The following CSMD1 variants were observed in gnomAD, a reference collection of about 807,000 sequenced individuals.
CSMD1 encodes CUB and sushi domain-containing protein 1.
Under a neutral mutation model 417.5 loss-of-function variants are expected in CSMD1, and 213 were observed. That is an observed-to-expected ratio of 0.51 (90% confidence interval 0.46 to 0.57). CSMD1 has a LOEUF of 0.57. CSMD1 is among the 20% of genes least tolerant of loss of function. The pLI, the probability that CSMD1 is intolerant of heterozygous loss-of-function variation, is 0.00. For missense variants in CSMD1, 6,923 were observed against 4,529.7 expected (o/e 1.53, Z -15.17); for synonymous variants, 2,862 against 1,736.8 (o/e 1.65, Z -16.11).
intron 26 of CSMD1, among the ~76,000 whole-genome samples, chr8:3,250,846 C>G (rs1304616099): frequency 6.6e-6 from 1 of 152,180 alleles, no homozygotes; most frequent in African/African-American, 2.4e-5. Context: ...TGTCTGTTGG[C>G]TGCATAAATG....
intron 23 of CSMD1, among the ~76,000 whole-genome samples, chr8:3,335,176 T>C (rs1024757048): frequency 6.6e-6 from 1 of 152,144 alleles, no homozygotes; most frequent in East Asian, 1.9e-4. Flanking sequence ...CCCTCTCATG[T>C]CACTTGTTAG....
intron 5 of CSMD1, among the ~76,000 whole-genome samples, chr8:3,924,130 C>G (rs556971399): frequency 4.6e-5 from 7 of 152,258 alleles, no homozygotes; most frequent in African/African-American, 2.4e-5. Context: ...ATCTGTATCT[C>G]TCCATTTATG....
In CSMD1 at chr8:4,010,865, C is replaced by A. The variant is rs146659560; in HGVS notation, c.611-12755G>T. Among the ~76,000 whole-genome samples, 409 of 152,292 alleles carry A rather than the reference C, an allele frequency of 2.7e-3. 3 individuals are homozygous for A. Among genetic ancestry groups the A allele is most frequent in the African/African-American group, 9.4e-3 (392 of 41,538 alleles). ...TTTTATATCCTTGCAGGTAAAACAGCTGGAGGAATTCCAAAACCAAAAACA... is the reference window on the plus strand; with the variant it reads ...TTTTATATCCTTGCAGGTAAAACAGATGGAGGAATTCCAAAACCAAAAACA... On this transcript the variant is annotated intron_variant, in intron 4 of 69. Transcript: ENST00000635120.
chr8:3,826,274 T>G (rs1802049225), intron 5 of CSMD1, among the ~76,000 whole-genome samples: 1 of 151,926 alleles, frequency 6.6e-6, no homozygotes, highest in Admixed American at 6.5e-5. Flanking sequence ...CACCCAAAAA[T>G]ACCACCCAGG....
chr8:4,774,512 T>C (rs1796748680), intron 1 of CSMD1, among the ~76,000 whole-genome samples: 1 of 152,084 alleles, frequency 6.6e-6, no homozygotes. Flanking sequence ...ATAAAGTACT[T>C]TATAAAAAAG....
chr8:4,313,089 A>G (rs945158694), intron 3 of CSMD1, among the ~76,000 whole-genome samples: 1 of 152,212 alleles, frequency 6.6e-6, no homozygotes, highest in African/African-American at 2.4e-5. Context: ...TAGAGCTAAT[A>G]TAGAAACACA....
chr8:4,435,559 T>G (rs533904549), intron 2 of CSMD1, among the ~76,000 whole-genome samples: 173 of 152,300 alleles, frequency 1.1e-3, no homozygotes, highest in African/African-American at 4.1e-3. Context: ...CATTTTCCTA[T>G]GGCTGTCATG....
At chr8:3,438,389 C>G (rs1478353357) in intron 12 of CSMD1, among the ~76,000 whole-genome samples, 2 of 152,146 alleles carry the variant, frequency 1.3e-5, no homozygotes, top group East Asian at 3.9e-4. Flanking sequence ...ACAGACATCC[C>G]TCCCGTTGAC....
At chr8:4,437,778 G>A (rs993018552) in intron 2 of CSMD1, among the ~76,000 whole-genome samples, 2 of 152,166 alleles carry the variant, frequency 1.3e-5, no homozygotes, top group African/African-American at 4.8e-5. Flanking sequence ...AGATCTTTGA[G>A]TTGTCTCTAT....
At chr8:4,747,045 C>G (rs1389045920) in intron 1 of CSMD1, among the ~76,000 whole-genome samples, 1 of 152,126 alleles carries the variant, frequency 6.6e-6, no homozygotes. Context: ...GAGGGCCTCC[C>G]CACCAGAATG....
chr8:3,724,820 T>C (rs1243966780), intron 6 of CSMD1, among the ~76,000 whole-genome samples: 1 of 152,198 alleles, frequency 6.6e-6, no homozygotes, highest in Non-Finnish European at 1.5e-5. Context: ...ACTGTAGGTA[T>C]TTTCTTATCA....
At chr8:3,897,513 A>C (rs1381843098) in intron 5 of CSMD1, among the ~76,000 whole-genome samples, 1 of 152,156 alleles carries the variant, frequency 6.6e-6, no homozygotes, top group Non-Finnish European at 1.5e-5. Context: ...TAAACTTGGA[A>C]TGCTTAAAGC....
Position 3,408,015 on chromosome 8 carries a change from C to T in CSMD1, c.1955G>A (p.Gly652Asp), listed in dbSNP as rs772452238. The change falls in exon 14 of 70, where the codon GGT becomes GAT. Residue 652 changes from glycine to aspartate, a missense_variant. By Grantham distance (94) the Gly-to-Asp change is moderately conservative. Coordinates refer to ENST00000635120, the MANE Select transcript of CSMD1 (RefSeq NM_033225.6). ...AGGCACTTCATTGCCAGAAAAAGTA[C>T]CCAGGACAGTTATGTCAGAAATGCC... is the stretch of plus-strand genomic sequence containing the variant. ...DDGISDITVLGTFSGNEVPSQ... is the reference protein window; with the variant it reads ...DDGISDITVLDTFSGNEVPSQ... The T allele has an allele frequency of 6.2e-7, 1 of 1,613,878 alleles. No individual in the cohort carries two copies. Among genetic ancestry groups the T allele is most frequent in the Admixed American group, 1.7e-5 (1 of 60,002 alleles).
chr8:4,319,875 C>G (rs566280631), intron 3 of CSMD1, among the ~76,000 whole-genome samples: 3 of 152,064 alleles, frequency 2.0e-5, no homozygotes, highest in South Asian at 2.1e-4. Context: ...CAGAGGTACC[C>G]AAGGCTGAGC....
Position 4,002,394 on chromosome 8 carries a change from G to A in CSMD1, c.611-4284C>T, listed in dbSNP as rs192746569. Among the ~76,000 whole-genome samples the A allele has an allele frequency of 1.5e-3, 233 of 152,246 alleles. 1 individual carries two copies. Among genetic ancestry groups the A allele is most frequent in the Non-Finnish European group, 2.9e-3 (195 of 68,004 alleles). On this transcript the variant is annotated intron_variant, in intron 4 of 69. Transcript: ENST00000635120. ...CAACATTTTAAACATAATAGCATTTGAAGAAGAGCTACCTAACTAATATGT... is the reference window on the plus strand; with the variant it reads ...CAACATTTTAAACATAATAGCATTTAAAGAAGAGCTACCTAACTAATATGT...
At chr8:3,609,718 T>C (rs1436001446) in intron 8 of CSMD1, among the ~76,000 whole-genome samples, 2 of 126,228 alleles carry the variant, frequency 1.6e-5, no homozygotes, top group East Asian at 4.2e-4. Context: ...TGTTAGTCAT[T>C]AGTTTTGATT....
intron 3 of CSMD1, among the ~76,000 whole-genome samples, chr8:4,307,913 C>A (rs1215901976): frequency 6.6e-6 from 1 of 152,120 alleles, no homozygotes; most frequent in Non-Finnish European, 1.5e-5. Context: ...ACGTTTTTAG[C>A]AAGAGGACCC....
At chr8:3,758,149 A>T (rs1215303013) in intron 5 of CSMD1, among the ~76,000 whole-genome samples, 1 of 152,076 alleles carries the variant, frequency 6.6e-6, no homozygotes, top group Non-Finnish European at 1.5e-5. Flanking sequence ...TATTTAGTAG[A>T]GATGGGATTT....
intron 23 of CSMD1, among the ~76,000 whole-genome samples, chr8:3,328,084 A>G (rs1212047732): frequency 6.6e-6 from 1 of 152,180 alleles, no homozygotes; most frequent in Non-Finnish European, 1.5e-5. Context: ...GAGACTCACA[A>G]TGAGGGCATC....
Sources: allele counts gnomAD v4.1 joint callset (sites outside exome capture counted in the v4.1 genomes callset), GRCh38; gene constraint gnomAD v4.1.1; transcripts MANE v1.5; gene names NCBI Gene and HGNC (gene_info 2026-07-23, HGNC 2026-07-21).